Variants in CSMD1 observed in about 807,000 individuals in gnomAD.
The protein encoded by CSMD1 is CUB and Sushi multiple domains 1, also known as CUB and sushi domain-containing protein 1.
A neutral mutation model predicts 417.5 loss-of-function variants in CSMD1; 213 were observed. The observed-to-expected ratio is 0.51, with a 90% CI of 0.46 to 0.57. The LOEUF (loss-of-function observed/expected upper bound fraction) is 0.57, where lower values mean the gene tolerates loss of function less well. Ranked by LOEUF, CSMD1 falls within the 20% of genes least tolerant of loss-of-function variation. The pLI is 0.00. For synonymous variants in CSMD1, 2,862 were observed against 1,736.8 expected (o/e 1.65, Z -16.11); for missense variants, 6,923 against 4,529.7 (o/e 1.53, Z -15.17).
At chr8:4,974,137 C>T (rs1007932573) in intron 1 of CSMD1, among the ~76,000 whole-genome samples, 5 of 152,056 alleles carry the variant, frequency 3.3e-5, no homozygotes, top group African/African-American at 1.2e-4. Flanking sequence ...CTGCTTCAGC[C>T]TCCCGAGTAG....
At chr8:3,893,259 T>C (rs996305730) in intron 5 of CSMD1, among the ~76,000 whole-genome samples, 1 of 148,864 alleles carries the variant, frequency 6.7e-6, no homozygotes, top group African/African-American at 2.5e-5. Flanking sequence ...TTTGTAATAT[T>C]TTAGCCTATA....
intron 10 of CSMD1, among the ~76,000 whole-genome samples, chr8:3,514,491 A>G (rs1331653245): frequency 3.3e-5 from 5 of 152,318 alleles, no homozygotes; most frequent in Non-Finnish European, 7.3e-5. Flanking sequence ...AATTTTTGGA[A>G]TTGACTAAAA....
At chr8:3,105,454 G>C (rs1279389355) in intron 46 of CSMD1, among the ~76,000 whole-genome samples, 1 of 152,160 alleles carries the variant, frequency 6.6e-6, no homozygotes, top group Non-Finnish European at 1.5e-5. Context: ...ATGATGTTTC[G>C]ACTTACTTGA....
At chr8:3,262,884 C>G (rs986483688) in intron 26 of CSMD1, among the ~76,000 whole-genome samples, 4 of 151,928 alleles carry the variant, frequency 2.6e-5, no homozygotes, top group African/African-American at 9.7e-5. Context: ...TTATTTTGTA[C>G]AAGAGGGAAT....
chr8:4,769,942 T>C (rs759841869), intron 1 of CSMD1, among the ~76,000 whole-genome samples: 1 of 152,106 alleles, frequency 6.6e-6, no homozygotes, highest in Non-Finnish European at 1.5e-5. Context: ...ATAAGAACAA[T>C]AACAAGTTAT....
At chr8:4,092,733 C>A (rs1318483631) in intron 3 of CSMD1, among the ~76,000 whole-genome samples, 3 of 151,992 alleles carry the variant, frequency 2.0e-5, no homozygotes, top group Non-Finnish European at 4.4e-5. Context: ...AACTTTTTAA[C>A]TTCCACATTT....
intron 2 of CSMD1, among the ~76,000 whole-genome samples, chr8:4,481,649 T>A (rs1036949129): frequency 3.3e-5 from 5 of 152,226 alleles, no homozygotes; most frequent in Non-Finnish European, 7.3e-5. Context: ...ACCAAGAGGT[T>A]AAATACCTGA....
At chr8:3,303,324 T>C (rs969946653) in intron 25 of CSMD1, among the ~76,000 whole-genome samples, 1 of 152,076 alleles carries the variant, frequency 6.6e-6, no homozygotes, top group African/African-American at 2.4e-5. Context: ...TATTCCTAGA[T>C]CTCCAGTGCA....
At chr8:3,241,075 A>G (rs1312859710) in intron 26 of CSMD1, among the ~76,000 whole-genome samples, 1 of 150,588 alleles carries the variant, frequency 6.6e-6, no homozygotes, top group Non-Finnish European at 1.5e-5. Flanking sequence ...GTGAGGGGAT[A>G]CAAGAGGAGG....
chr8:4,232,152 C>T (rs966688973), intron 3 of CSMD1, among the ~76,000 whole-genome samples: 19 of 152,262 alleles, frequency 1.2e-4, no homozygotes, highest in African/African-American at 4.6e-4. Flanking sequence ...CTTTTCTAAA[C>T]TTCAAAATCC....
intron 3 of CSMD1, among the ~76,000 whole-genome samples, chr8:4,121,429 C>G (rs531351069): frequency 6.6e-6 from 1 of 152,266 alleles, no homozygotes; most frequent in South Asian, 2.1e-4. Flanking sequence ...ACAGAATTCA[C>G]ACGCCCACCA....
chr8:3,847,956 G>A (rs372923406), intron 5 of CSMD1, among the ~76,000 whole-genome samples: 2 of 151,882 alleles, frequency 1.3e-5, no homozygotes, highest in Admixed American at 6.6e-5. Flanking sequence ...AACAACCAAT[G>A]ATTTTTATTT....
intron 3 of CSMD1, among the ~76,000 whole-genome samples, chr8:4,112,147 C>T (rs1248763021): frequency 6.6e-6 from 1 of 152,150 alleles, no homozygotes; most frequent in South Asian, 2.1e-4. Flanking sequence ...TGCTGGGCAT[C>T]CAGAGCTTAA....
chr8:3,556,404 T>C (rs1180804709), intron 10 of CSMD1, among the ~76,000 whole-genome samples: 1 of 140,774 alleles, frequency 7.1e-6, no homozygotes, highest in African/African-American at 2.7e-5. Flanking sequence ...TATATATATA[T>C]ATATATATAT....
At chr8:3,593,008 G>A (rs1800925589) in intron 8 of CSMD1, among the ~76,000 whole-genome samples, 2 of 152,204 alleles carry the variant, frequency 1.3e-5, no homozygotes. Context: ...CAGAACTCCT[G>A]GCCTGTGCTT....
At chr8:4,007,173 G>C (rs895857321) in intron 4 of CSMD1, among the ~76,000 whole-genome samples, 2 of 152,008 alleles carry the variant, frequency 1.3e-5, no homozygotes, top group African/African-American at 2.4e-5. Flanking sequence ...ATCAAGCACT[G>C]ATGCCCACTT....
chr8:4,214,483 T>G (rs1179618232), intron 3 of CSMD1, among the ~76,000 whole-genome samples: 2 of 152,102 alleles, frequency 1.3e-5, no homozygotes, highest in Non-Finnish European at 2.9e-5. Flanking sequence ...TTTTTGGTAG[T>G]GAAAGGGTCT....
intron 41 of CSMD1, among the ~76,000 whole-genome samples, chr8:3,139,229 A>T (rs749092211): frequency 6.6e-6 from 1 of 152,218 alleles, no homozygotes; most frequent in Non-Finnish European, 1.5e-5. Context: ...ATCAGCTGTG[A>T]ATGGCCATCA....
intron 1 of CSMD1, among the ~76,000 whole-genome samples, chr8:4,857,058 C>T (rs1801844246): frequency 6.7e-6 from 1 of 148,596 alleles, no homozygotes; most frequent in South Asian, 2.2e-4. Context: ...GAAATTATAA[C>T]AAACTATCTC....
Sources: gnomAD v4.1 joint callset for allele counts (sites outside exome capture counted in the v4.1 genomes callset) on GRCh38, gnomAD v4.1.1 for gene constraint, MANE v1.5 for transcripts, NCBI Gene and HGNC (gene_info 2026-07-23, HGNC 2026-07-21) for gene names.